The following AGBL1 variants were observed in gnomAD, a reference collection of about 807,000 sequenced individuals.
The protein encoded by AGBL1 is cytosolic carboxypeptidase 4.
In AGBL1, 130 loss-of-function variants were observed where a neutral mutation model predicts 118.9. The observed-to-expected ratio is 1.09, with a 90% CI of 0.95 to 1.26. The LOEUF (loss-of-function observed/expected upper bound fraction) is 1.26, where lower values mean the gene tolerates loss of function less well. Ranked by LOEUF, AGBL1 falls within the 50% of genes most tolerant of loss-of-function variation. The probability of loss-of-function intolerance (pLI) is 0.00; values close to 1 mark genes in which losing one functional copy is unlikely to be tolerated. For synonymous variants in AGBL1, 555 were observed against 478.9 expected (o/e 1.16, Z -2.08); for missense variants, 1,584 against 1,298.1 (o/e 1.22, Z -3.38).
At chr15:86,802,807 TCA>T (rs1207307002) in intron 22 of AGBL1, among the ~76,000 whole-genome samples, 1 of 152,144 alleles carries the variant, frequency 6.6e-6, no homozygotes, top group Non-Finnish European at 1.5e-5. Context: ...AAACTGAACC[TCA>T]GTCATCCACT....
At chr15:86,764,134 G>C (rs910703228) in intron 22 of AGBL1, among the ~76,000 whole-genome samples, 1 of 152,090 alleles carries the variant, frequency 6.6e-6, no homozygotes, top group South Asian at 2.1e-4. Flanking sequence ...GGAGAAAGTG[G>C]GTTGGATTAG....
intron 22 of AGBL1, among the ~76,000 whole-genome samples, chr15:86,710,377 G>A (rs1161458232): frequency 6.6e-6 from 1 of 152,110 alleles, no homozygotes; most frequent in Non-Finnish European, 1.5e-5. Context: ...TTATAAAACT[G>A]CAAATAACAT....
chr15:86,506,336 CT>C, intron 18 of AGBL1, among the ~76,000 whole-genome samples: 1 of 152,128 alleles, frequency 6.6e-6, no homozygotes, highest in African/African-American at 2.4e-5. Flanking sequence ...TTCCCCTCAC[CT>C]TTTAGTTTTA....
chr15:86,617,539 G>A (rs2084746921), intron 21 of AGBL1, among the ~76,000 whole-genome samples: 1 of 152,086 alleles, frequency 6.6e-6, no homozygotes, highest in Non-Finnish European at 1.5e-5. Flanking sequence ...TCTGACAATT[G>A]GAGCTACAAG....
intron 5 of AGBL1, among the ~76,000 whole-genome samples, chr15:86,222,032 G>C (rs2078288667): frequency 6.6e-6 from 1 of 152,144 alleles, no homozygotes; most frequent in African/African-American, 2.4e-5. Flanking sequence ...ATCATCCGCA[G>C]GTCTCCTAGT....
intron 17 of AGBL1, among the ~76,000 whole-genome samples, chr15:86,359,700 ATCTT>A (rs1404919091): frequency 1.3e-5 from 2 of 151,820 alleles, no homozygotes; most frequent in Non-Finnish European, 2.9e-5. Flanking sequence ...ATTAATCTCT[ATCTT>A]CCTTAATTTC....
At chr15:86,931,291 C>T (rs2080599973) in intron 23 of AGBL1, among the ~76,000 whole-genome samples, 1 of 152,202 alleles carries the variant, frequency 6.6e-6, no homozygotes, top group Non-Finnish European at 1.5e-5. Flanking sequence ...CCTGTAACTT[C>T]CGCTTCCCTG....
chr15:86,801,345 C>CTATT (rs1036553350), intron 22 of AGBL1, among the ~76,000 whole-genome samples: 2 of 149,298 alleles, frequency 1.3e-5, no homozygotes, highest in African/African-American at 5.0e-5. Flanking sequence ...ATCTATCTAT[C>CTATT]TATCTATCTA....
intron 21 of AGBL1, among the ~76,000 whole-genome samples, chr15:86,666,595 G>T (rs180825353): frequency 7.8e-4 from 118 of 152,214 alleles, no homozygotes; most frequent in African/African-American, 2.7e-3. Context: ...TAATTTTGGT[G>T]ATAGTTTTAA....
intron 18 of AGBL1, among the ~76,000 whole-genome samples, chr15:86,493,951 C>G (rs902714020): frequency 1.3e-5 from 2 of 152,076 alleles, no homozygotes; most frequent in East Asian, 2.0e-4. Context: ...ATTCTCCTTT[C>G]TTTTCTCATC....
chr15:86,135,527 T>A (rs1003494506), intron 1 of AGBL1, among the ~76,000 whole-genome samples: 4 of 152,218 alleles, frequency 2.6e-5, no homozygotes, highest in African/African-American at 7.2e-5. Flanking sequence ...CTCACTGAGA[T>A]GGACTTTACA....
intron 10 of AGBL1, among the ~76,000 whole-genome samples, chr15:86,263,128 G>A (rs930678597): frequency 2.6e-5 from 4 of 152,232 alleles, no homozygotes; most frequent in African/African-American, 9.6e-5. Context: ...TTACACTTAG[G>A]ATGGATACAA....
In AGBL1 at chr15:86,763,329, A is replaced by T. The variant is rs7173570; in HGVS notation, c.3158+88893A>T. 2.2e-3 allele frequency among the ~76,000 whole-genome samples: 336 copies of T among 152,172 alleles called. 3 individuals carry two copies. The highest frequency in any genetic ancestry group is 7.5e-3 in the African/African-American group (311 of 41,546). ...TTGTGGGTTCTCAGGATGTATCACTAAAGAACTATTTAACTCACAAAGTGG... is the reference window on the plus strand; with the variant it reads ...TTGTGGGTTCTCAGGATGTATCACTTAAGAACTATTTAACTCACAAAGTGG... On this transcript the variant is annotated intron_variant, in intron 22 of 22. Coordinates refer to ENST00000614907, the MANE Select transcript of AGBL1 (RefSeq NM_001386094.1).
chr15:86,377,614 A>T (rs1271379362), intron 17 of AGBL1, among the ~76,000 whole-genome samples: 1 of 152,178 alleles, frequency 6.6e-6, no homozygotes, highest in Non-Finnish European at 1.5e-5. Context: ...ATAATTTACA[A>T]GCTTATTTTA....
rs184022779 is a variant in AGBL1 at position 86,462,681 on chromosome 15, G to T, written c.2556-60129G>T. Among the ~76,000 whole-genome samples, 4 of 152,048 alleles carry T rather than the reference G, an allele frequency of 2.6e-5. No individual in the cohort carries two copies. The South Asian group carries it at 8.3e-4, about 32-fold the overall frequency. ...CTCCTACTTATCAGTGAGAACATGC[G>T]GTGTTTGGTTTTCTGTTCCTGTGTT... is the stretch of plus-strand genomic sequence containing the variant. On this transcript the variant is annotated intron_variant, in intron 18 of 22. Transcript: ENST00000614907.
chr15:86,714,363 A>G (rs945738636), intron 22 of AGBL1, among the ~76,000 whole-genome samples: 7 of 152,280 alleles, frequency 4.6e-5, no homozygotes, highest in Middle Eastern at 3.4e-3. Flanking sequence ...CAAGGATGGG[A>G]AGCACAGCAA....
chr15:86,788,236 A>G (rs1489142661), intron 22 of AGBL1, among the ~76,000 whole-genome samples: 2 of 152,192 alleles, frequency 1.3e-5, no homozygotes, highest in Admixed American at 6.6e-5. Context: ...GAGCAGACCT[A>G]TTACCACAGA....
At chr15:86,515,383 G>GTA (rs970289426) in intron 18 of AGBL1, among the ~76,000 whole-genome samples, 4 of 151,966 alleles carry the variant, frequency 2.6e-5, no homozygotes. Flanking sequence ...CTGTATGTGT[G>GTA]TATATACACA....
chr15:86,688,980 A>T (rs1048628769), intron 22 of AGBL1, among the ~76,000 whole-genome samples: 3 of 152,094 alleles, frequency 2.0e-5, no homozygotes, highest in Non-Finnish European at 4.4e-5. Context: ...CTCATTTTCC[A>T]TTTAGTTTTT....
Sources: allele counts gnomAD v4.1 joint callset (sites outside exome capture counted in the v4.1 genomes callset), GRCh38; gene constraint gnomAD v4.1.1; transcripts MANE v1.5; gene names NCBI Gene and HGNC (gene_info 2026-07-23, HGNC 2026-07-21).